The following SLC68A1 variants were observed in gnomAD, a reference collection of about 807,000 sequenced individuals.
SLC68A1 encodes the protein solute carrier family 68 member 1.
the SLC68A1 span, chr10:102,471,138 C>T: frequency 2.5e-6 from 4 of 1,606,944 alleles, no homozygotes; most frequent in South Asian, 1.1e-5. Context: ...AGCCCCGGCT[C>T]TTCAGGTCCT....
chr10:102,474,056 G>C, the SLC68A1 span: 5 of 1,524,378 alleles, frequency 3.3e-6, no homozygotes, highest in Non-Finnish European at 4.4e-6. Context: ...GCTCCAGGGG[G>C]CACAGCTTAC....
chr10:102,470,050 C>A, the SLC68A1 span: 1 of 1,614,038 alleles, frequency 6.2e-7, no homozygotes, highest in Non-Finnish European at 8.5e-7. Flanking sequence ...GCTCAGTGAC[C>A]GGCAGTTCCT....
the SLC68A1 span, chr10:102,469,237 G>C: frequency 4.4e-6 from 7 of 1,608,424 alleles, no homozygotes; most frequent in African/African-American, 8.0e-5. Context: ...AGGAGGGGGT[G>C]GGGTGGAGAC....
At chr10:102,472,592 A>G in the SLC68A1 span, among the ~76,000 whole-genome samples, 8 of 152,198 alleles carry the variant, frequency 5.3e-5, no homozygotes, top group Non-Finnish European at 1.0e-4. Context: ...GTTTTCAATT[A>G]AAAAGAAAAA....
chr10:102,470,841 T>C, the SLC68A1 span: 4 of 1,613,506 alleles, frequency 2.5e-6, no homozygotes, highest in Non-Finnish European at 3.4e-6. Flanking sequence ...CTCGTGGACC[T>C]GCACCACCAT....
chr10:102,474,204 A>G, the SLC68A1 span, among the ~76,000 whole-genome samples: 4 of 152,208 alleles, frequency 2.6e-5, no homozygotes, highest in Admixed American at 6.5e-5. Flanking sequence ...TCATTCATTC[A>G]ACAAATATGT....
At chr10:102,469,119 C>CAATGTCTTCCT in the SLC68A1 span, 1 of 1,614,162 alleles carries the variant, frequency 6.2e-7, no homozygotes, top group Non-Finnish European at 8.5e-7. Context: ...CCATCCTGCA[C>CAATGTCTTCCT]AATGTCTTCC....
At chr10:102,464,569 A>T in the SLC68A1 span, among the ~76,000 whole-genome samples, 3 of 151,870 alleles carry the variant, frequency 2.0e-5, no homozygotes, top group African/African-American at 7.3e-5. Context: ...AGGTGGGTGG[A>T]TCACAAGGTC....
At chr10:102,476,049 TTG>T in the SLC68A1 span, 48 of 1,378,274 alleles carry the variant, frequency 3.5e-5, 2 homozygotes, top group Middle Eastern at 5.1e-4. Context: ...CCAGTTTTTT[TTG>T]GTTTTTTTTT....
chr10:102,472,902 C>T, the SLC68A1 span: 1 of 1,614,178 alleles, frequency 6.2e-7, no homozygotes, highest in Non-Finnish European at 8.5e-7. Context: ...CTTCCTGGAG[C>T]ATCTGTTGTC....
the SLC68A1 span, among the ~76,000 whole-genome samples, chr10:102,466,482 C>CAAA: frequency 6.0e-5 from 6 of 100,800 alleles, no homozygotes; most frequent in Non-Finnish European, 9.7e-5. Context: ...GACTCCACCT[C>CAAA]AAAAAAAAAA....
the SLC68A1 span, chr10:102,476,876 ACCTCCCACTCCGTCCAC>A: frequency 8.1e-6 from 8 of 985,246 alleles, no homozygotes; most frequent in Non-Finnish European, 9.6e-6. Flanking sequence ...TGTAAGTCCC[ACCTCCCACTCCGTCCAC>A]CCTTCTAGTG....
chr10:102,471,423 T>A, the SLC68A1 span: 1 of 1,601,400 alleles, frequency 6.2e-7, no homozygotes, highest in Non-Finnish European at 8.5e-7. Flanking sequence ...CCGGCCCCTC[T>A]ACAGCTGGGC....
chr10:102,466,799 G>C, the SLC68A1 span, among the ~76,000 whole-genome samples: 2 of 152,168 alleles, frequency 1.3e-5, no homozygotes, highest in Non-Finnish European at 2.9e-5. Context: ...ACTCCATTTT[G>C]ACAAAGGCAG....
chr10:102,472,765 TG>T, the SLC68A1 span: 33 of 935,514 alleles, frequency 3.5e-5, no homozygotes, highest in Admixed American at 5.1e-5. Context: ...GATGGGGAGT[TG>T]GGGGGGATGT....
the SLC68A1 span, chr10:102,472,862 C>T: frequency 6.2e-7 from 1 of 1,614,166 alleles, no homozygotes; most frequent in Non-Finnish European, 8.5e-7. Context: ...AGGTCTTCCA[C>T]TGCCACTTCA....
chr10:102,471,041 G>T, the SLC68A1 span: 1 of 1,613,720 alleles, frequency 6.2e-7, no homozygotes, highest in Non-Finnish European at 8.5e-7. Context: ...CTTTCTGGGG[G>T]CCACACAGCT....
the SLC68A1 span, among the ~76,000 whole-genome samples, chr10:102,465,491 C>T: frequency 2.0e-5 from 3 of 152,024 alleles, no homozygotes; most frequent in African/African-American, 7.2e-5. Context: ...GCTTTAAATT[C>T]CTTTTGCATT....
At chr10:102,475,825 G>C in the SLC68A1 span, 4 of 1,614,074 alleles carry the variant, frequency 2.5e-6, no homozygotes, top group Non-Finnish European at 2.5e-6. Flanking sequence ...CGCTCCGCCA[G>C]GGCTGCTTCT....
Sources: allele counts gnomAD v4.1 joint callset (sites outside exome capture counted in the v4.1 genomes callset), GRCh38; gene constraint gnomAD v4.1.1; transcripts MANE v1.5; gene names NCBI Gene and HGNC (gene_info 2026-07-23, HGNC 2026-07-21).